The following SCN11A variants were observed in gnomAD, a reference collection of about 807,000 sequenced individuals.
The protein encoded by SCN11A is sodium voltage-gated channel alpha subunit 11.
SCN11A carries 122 observed loss-of-function variants against 162.2 expected under a neutral mutation model. The ratio of observed to expected loss-of-function variants is 0.75; its 90% CI spans 0.65 to 0.87. The LOEUF (loss-of-function observed/expected upper bound fraction) is 0.87, where lower values mean the gene tolerates loss of function less well. Among genes scored for constraint, SCN11A ranks in the 40% least tolerant of loss-of-function variants. SCN11A has a pLI of 0.00. For missense variants in SCN11A, 2,015 were observed against 2,181.6 expected (o/e 0.92, Z 1.52); for synonymous variants, 758 against 751.5 (o/e 1.01, Z -0.14).
At chr3:38,925,693 A>G (rs137894028) in intron 8 of SCN11A, among the ~76,000 whole-genome samples, 184 bp from the exon 9 acceptor site, 1 of 152,366 alleles carries the variant, frequency 6.6e-6, no homozygotes, top group East Asian at 1.9e-4. Flanking sequence ...CTTGCTATGA[A>G]CTGCAGAGGA....
chr3:38,917,624 T>C (rs1228814085), intron 11 of SCN11A, among the ~76,000 whole-genome samples: 1 of 152,092 alleles, frequency 6.6e-6, no homozygotes, highest in Non-Finnish European at 1.5e-5. Context: ...TGAGAACACA[T>C]GGACACACAG....
Position 38,925,763 on chromosome 3 carries a change from T to C in SCN11A, c.618-254A>G, listed in dbSNP as rs544289142. 4.6e-5 allele frequency among the ~76,000 whole-genome samples: 7 copies of C among 152,366 alleles called. No homozygotes were observed. The East Asian group carries it at 1.2e-3, about 25-fold the overall frequency. On this transcript the variant is annotated intron_variant, in intron 8 of 29. Coordinates refer to ENST00000302328, the MANE Select transcript of SCN11A (RefSeq NM_001349253.2). ...GATGAAGACTCCTTGAAATAGTTCA[T>C]GTAGTTGTGGCTACATCCATGAATA...
At chr3:38,906,898 C>A (rs2065800873) in intron 14 of SCN11A, among the ~76,000 whole-genome samples, 1 of 152,148 alleles carries the variant, frequency 6.6e-6, no homozygotes, top group Non-Finnish European at 1.5e-5. Flanking sequence ...CCTCCCCCAG[C>A]CTCATCACAC....
chr3:38,994,109 G>A (rs2030536826), intron 2 of SCN11A, among the ~76,000 whole-genome samples: 1 of 152,094 alleles, frequency 6.6e-6, no homozygotes, highest in Admixed American at 6.5e-5. Flanking sequence ...AATAAATTCT[G>A]TGCATCCAAG....
intron 11 of SCN11A, among the ~76,000 whole-genome samples, chr3:38,912,629 C>T (rs1244413211): frequency 1.3e-5 from 2 of 152,154 alleles, no homozygotes; most frequent in African/African-American, 2.4e-5. Context: ...CTTGCTGCTC[C>T]TACCCTTCAT....
intron 19 of SCN11A, among the ~76,000 whole-genome samples, chr3:38,890,481 A>T (rs2065481678): frequency 6.6e-6 from 1 of 152,258 alleles, no homozygotes; most frequent in African/African-American, 2.4e-5. Flanking sequence ...ACTAAAACAT[A>T]GGTCAGCAAA....
At chr3:38,982,332 G>A (rs1286328531) in intron 2 of SCN11A, among the ~76,000 whole-genome samples, 11 of 152,176 alleles carry the variant, frequency 7.2e-5, no homozygotes, top group African/African-American at 1.4e-4. Flanking sequence ...GGTGTAAAGC[G>A]CATTTGTTTC....
intron 2 of SCN11A, among the ~76,000 whole-genome samples, chr3:39,003,002 ATTTAGTCTTTGTAGAAAATAC>A (rs1341537004): frequency 6.6e-6 from 1 of 152,162 alleles, no homozygotes; most frequent in Non-Finnish European, 1.5e-5. Flanking sequence ...GAGTAAACTT[ATTTAGTCTTTGTAGAAAATAC>A]TTCTTTTTTA....
At chr3:38,856,514 A>T (rs925443366) in intron 28 of SCN11A, among the ~76,000 whole-genome samples, 6 of 152,312 alleles carry the variant, frequency 3.9e-5, no homozygotes, top group African/African-American at 1.4e-4. Context: ...GAGCTGAGGT[A>T]GCTTCTACTC....
chr3:39,010,213 C>T (rs905144853), intron 2 of SCN11A, among the ~76,000 whole-genome samples: 2 of 151,696 alleles, frequency 1.3e-5, no homozygotes, highest in Non-Finnish European at 1.5e-5. Flanking sequence ...AAAAAACCCA[C>T]AAATAAAAGT....
chr3:38,908,264 G>A (rs550519117), intron 13 of SCN11A, 142 bp from the exon 14 acceptor site: 13 of 698,918 alleles, frequency 1.9e-5, no homozygotes, highest in South Asian at 1.4e-4. Flanking sequence ...CCTGGACTAC[G>A]CTAGCTCTGT....
At chr3:39,027,487 C>T (rs1222063234) in intron 2 of SCN11A, among the ~76,000 whole-genome samples, 2 of 152,114 alleles carry the variant, frequency 1.3e-5, no homozygotes, top group Non-Finnish European at 2.9e-5. Flanking sequence ...AAATTGGAAG[C>T]TCAGCTCGAA....
chr3:38,967,785 A>G (rs949110548), intron 2 of SCN11A, among the ~76,000 whole-genome samples: 36 of 152,200 alleles, frequency 2.4e-4, no homozygotes, highest in African/African-American at 8.7e-4. Context: ...TCCCCTCCCC[A>G]GGGCTCATCA....
intron 18 of SCN11A, among the ~76,000 whole-genome samples, chr3:38,895,652 A>C (rs1341561135): frequency 6.6e-6 from 1 of 152,152 alleles, no homozygotes; most frequent in African/African-American, 2.4e-5. Flanking sequence ...CTTTGGAGAG[A>C]AGTGCCTGGT....
At position 38,871,494 on chromosome 3, in the gene SCN11A, T is replaced by G; in HGVS notation, c.3710A>C (p.Lys1237Thr). ...ATTTCCCACATTGTCAAAGTTGACT[T>G]TCTGGTTGATCCAAGAGAAATTGCC... Reference protein sequence around the residue: ...ESGNFSWINQKVNFDNVGNAY... With the variant: ...ESGNFSWINQTVNFDNVGNAY... Residue 1237 changes from lysine to threonine, a missense_variant, in exon 25 of 30, where the codon AAA (lysine) becomes ACA (threonine). Physicochemically the swap from Lys to Thr is moderately conservative, Grantham distance 78 (BLOSUM62 -1). Transcript: ENST00000302328. 1 of 1,613,120 alleles carries G rather than the reference T, an allele frequency of 6.2e-7. No homozygotes were observed. Among genetic ancestry groups the G allele is most frequent in the Non-Finnish European group, 8.5e-7 (1 of 1,179,566 alleles).
rs1166609754 is a variant in SCN11A at position 38,938,509 on chromosome 3, CATATATATATATATATATATAT to C, written c.488+6880_488+6901del. ...TAAAAGAAGGCAGAAGGAAAAATAT[CATATATATATATATATATATAT>C]ATATATATATATATATATATTTTTT... On this transcript the variant is annotated intron_variant, in intron 7 of 29. Transcript: ENST00000302328. Among the ~76,000 whole-genome samples the C allele has an allele frequency of 7.0e-4, 25 of 35,526 alleles. 1 individual carries two copies. The highest frequency in any genetic ancestry group is 5.2e-3 in the South Asian group (5 of 960). 23.3% of individuals were successfully genotyped at this position (35,526 alleles called of 152,430 possible). A position where few individuals can be genotyped will look rare whatever the true frequency, so the allele number is the denominator to read the frequency against.
chr3:38,921,036 A>T, intron 10 of SCN11A, 40 bp downstream of exon 10: 5 of 1,587,038 alleles, frequency 3.2e-6, no homozygotes, highest in Non-Finnish European at 4.3e-6. Flanking sequence ...AAAGTTAACC[A>T]TGCAAAAACC....
At chr3:38,902,649 T>C (rs1039875643) in intron 16 of SCN11A, among the ~76,000 whole-genome samples, 1 of 151,910 alleles carries the variant, frequency 6.6e-6, no homozygotes, top group African/African-American at 2.4e-5. Context: ...TCCTGAGTAG[T>C]TGGGACTACA....
rs183375392 is a variant in SCN11A at position 38,846,602 on chromosome 3, A to T, written c.*92T>A. 1.5e-5 allele frequency: 14 copies of T among 928,200 alleles called. No individual in the cohort carries two copies. In the Admixed American group the frequency reaches 3.1e-4, roughly 21 times the overall value. The allele number at this position is 928,200 out of a possible 1,614,324, so 57.5% of individuals were successfully genotyped here. A position where few individuals can be genotyped will look rare whatever the true frequency, so the allele number is the denominator to read the frequency against. On this transcript the variant is annotated 3_prime_UTR_variant, in exon 30 of 30. Transcript: ENST00000302328. ...ATGGAATGGCTAATTTGGTGAATCCACTCCCTGTTGATACACTAAGCTGCT... is the reference window on the plus strand; with the variant it reads ...ATGGAATGGCTAATTTGGTGAATCCTCTCCCTGTTGATACACTAAGCTGCT...
Sources: gnomAD v4.1 joint callset for allele counts (sites outside exome capture counted in the v4.1 genomes callset) on GRCh38, gnomAD v4.1.1 for gene constraint, MANE v1.5 for transcripts, NCBI Gene and HGNC (gene_info 2026-07-23, HGNC 2026-07-21) for gene names.